Variants in CERS1 observed in about 807,000 individuals in gnomAD.
CERS1 encodes Embryonic growth/differentiation factor 1.
In CERS1, 16 loss-of-function variants were observed where a neutral mutation model predicts 35.7. The observed-to-expected ratio is 0.45, with a 90% confidence interval of 0.30 to 0.68. CERS1 has a LOEUF of 0.68. Among genes scored for constraint, CERS1 ranks in the 30% least tolerant of loss-of-function variants. The pLI, the probability that CERS1 is intolerant of heterozygous loss-of-function variation, is 0.08. For missense variants in CERS1, 454 were observed against 453.9 expected, an observed-to-expected ratio of 1.00 and a Z score of 0.00; for synonymous variants, 243 against 201.6, an observed-to-expected ratio of 1.21 and a Z score of -1.74.
chr19:18,869,245 T>TGCCGCCGCCGCC lies in CERS1; in HGVS notation c.*728_*739dup. 2 of 1,428,274 alleles carry TGCCGCCGCCGCC rather than the reference T, an allele frequency of 1.4e-6. No homozygotes were observed. Among genetic ancestry groups the TGCCGCCGCCGCC allele is most frequent in the Non-Finnish European group, 1.8e-6 (2 of 1,101,928 alleles). The allele number at this position is 1,428,274 out of a possible 1,614,324, so 88.5% of individuals were successfully genotyped here. Reference sequence around the variant, plus strand: ...TCAGCTCCCAGCCGCCCTCCGGGGCTGCCGCCGCCGCCGCCGCGAAACGCA... The same window carrying TGCCGCCGCCGCC: ...TCAGCTCCCAGCCGCCCTCCGGGGCTGCCGCCGCCGCCGCCGCCGCCGCCGCCGCGAAACGCA... On this transcript the variant is annotated 3_prime_UTR_variant, in exon 8 of 8. Transcript: ENST00000623882.
chr19:18,885,547 T>G (rs1460411682), intron 2 of CERS1, among the ~76,000 whole-genome samples: 12 of 117,002 alleles, frequency 1.0e-4, no homozygotes, highest in Admixed American at 1.9e-4. Context: ...TGAGATGGAG[T>G]CTTGCTCTGT....
chr19:18,885,666 C>A (rs2056337239), intron 2 of CERS1, among the ~76,000 whole-genome samples: 1 of 151,602 alleles, frequency 6.6e-6, no homozygotes, highest in Non-Finnish European at 1.5e-5. Flanking sequence ...ATTACAGGCA[C>A]CCACCACCAT....
chr19:18,869,377 C>T lies in CERS1; in HGVS notation c.*608G>A. 6.5e-7 allele frequency: 1 copy of T among 1,529,402 alleles called. No homozygotes were observed. The highest frequency in any genetic ancestry group is 1.2e-5 in the South Asian group (1 of 83,862). 94.7% of individuals were successfully genotyped at this position (1,529,402 alleles called of 1,614,324 possible). On this transcript the variant is annotated 3_prime_UTR_variant, in exon 8 of 8. Coordinates refer to ENST00000623882, the MANE Select transcript of CERS1 (RefSeq NM_021267.5). Reference sequence around the variant, plus strand: ...CCGCGGCCGAGGCAGGCTCCGAGGCCCGGGTGGGCGCACCTGGGGAGGTAG... The same window carrying T: ...CCGCGGCCGAGGCAGGCTCCGAGGCTCGGGTGGGCGCACCTGGGGAGGTAG...
At chr19:18,886,187 C>T (rs1324426334) in intron 2 of CERS1, among the ~76,000 whole-genome samples, 2 of 151,972 alleles carry the variant, frequency 1.3e-5, no homozygotes, top group Non-Finnish European at 2.9e-5. Context: ...AGGAGAGTTG[C>T]TTGAGTCCAG....
rs771422568 is a variant in CERS1, at chr19:18,884,176, T to C, written c.501A>G (p.Leu167=). 6.2e-6 allele frequency: 10 copies of C among 1,613,464 alleles called. No individual in the cohort carries two copies. The highest frequency in any genetic ancestry group is 6.8e-6 in the Non-Finnish European group (8 of 1,179,810). The change falls in exon 3 of 8, where the codon CTA becomes CTG. Residue 167 remains leucine (L), a synonymous_variant. Transcript: ENST00000623882. ...SFYGHSIYAT[L]YMDTWRKDSV... ...AGTCCTTGCGCCAGGTGTCCATGTA[T>C]AGCGTAGCGTAGATGGAGTGGCCAT...
In CERS1 at chr19:18,896,104, G is replaced by C; in HGVS notation, c.-32C>G. The C allele has an allele frequency of 2.3e-6, 2 of 864,456 alleles. No individual in the cohort carries two copies. Among genetic ancestry groups the C allele is most frequent in the Non-Finnish European group, 2.8e-6 (2 of 722,504 alleles). The allele number at this position is 864,456 out of a possible 1,614,324, so 53.5% of individuals were successfully genotyped here. ...CGCTCGCCCGCCGTGCCCGTCGCCT[G>C]CGCCCGCCCGCGGTAGCCGACGGAG... On this transcript the variant is annotated 5_prime_UTR_variant, in exon 1 of 8. Transcript: ENST00000623882. The surrounding 1 kb of genome is among the most constrained non-coding windows in gnomAD (Gnocchi z 5.9).
chr19:18,875,475 G>A (rs1487868184), intron 6 of CERS1, among the ~76,000 whole-genome samples: 2 of 151,510 alleles, frequency 1.3e-5, no homozygotes, highest in South Asian at 2.1e-4. Flanking sequence ...CCTGGGAGGC[G>A]GAGGTTGCAG....
chr19:18,876,264 G>T (rs1305269872), intron 6 of CERS1, among the ~76,000 whole-genome samples: 1 of 150,406 alleles, frequency 6.6e-6, no homozygotes, highest in Non-Finnish European at 1.5e-5. Context: ...GGGATTACAG[G>T]CGTGAGCCAC....
intron 6 of CERS1, among the ~76,000 whole-genome samples, chr19:18,873,937 G>A (rs565946852): frequency 6.6e-6 from 1 of 152,078 alleles, no homozygotes; most frequent in Non-Finnish European, 1.5e-5. Context: ...CTTCGGGATG[G>A]GGGGAGGAAG....
intron 3 of CERS1, 70 bp from the exon 4 acceptor site, chr19:18,880,505 C>T: frequency 3.5e-6 from 5 of 1,431,550 alleles, no homozygotes; most frequent in Non-Finnish European, 4.7e-6. Context: ...ACTAAGGCCC[C>T]CAGCAGAGTC....
chr19:18,872,491 G>A (rs1036459227), intron 6 of CERS1, among the ~76,000 whole-genome samples: 56 of 151,858 alleles, frequency 3.7e-4, no homozygotes, highest in African/African-American at 1.3e-3. Context: ...GGGACTACAG[G>A]CATGCAACAC....
Position 18,868,806 on chromosome 19 carries a change from CG to C in CERS1, c.*1178del. The C allele has an allele frequency of 6.9e-7, 1 of 1,454,776 alleles. No homozygotes were observed. The highest frequency in any genetic ancestry group is 9.1e-7 in the Non-Finnish European group (1 of 1,093,314). The allele number at this position is 1,454,776 out of a possible 1,614,324, so 90.1% of individuals were successfully genotyped here. A position where few individuals can be genotyped will look rare whatever the true frequency, so the allele number is the denominator to read the frequency against. ...GGCCCCCCGGACCCCGACAGCGCGA[CG>C]GGCAGCGCGCACTGACCCTGGCAGT... On this transcript the variant is annotated 3_prime_UTR_variant, in exon 8 of 8. Coordinates refer to ENST00000623882, the MANE Select transcript of CERS1 (RefSeq NM_021267.5).
At chr19:18,885,674 C>G (rs2056337709) in intron 2 of CERS1, among the ~76,000 whole-genome samples, 2 of 151,530 alleles carry the variant, frequency 1.3e-5, no homozygotes, top group Non-Finnish European at 1.5e-5. Context: ...CACCCACCAC[C>G]ATGCCTGGCT....
At chr19:18,871,330 G>A (rs1044790892) in intron 6 of CERS1, among the ~76,000 whole-genome samples, 2 of 150,078 alleles carry the variant, frequency 1.3e-5, no homozygotes, top group Non-Finnish European at 3.0e-5. Flanking sequence ...GAGTTCAAGC[G>A]ATTCTCCTGC....
intron 7 of CERS1, 62 bp from the exon 8 acceptor site, chr19:18,869,452 G>T: frequency 6.6e-7 from 1 of 1,509,366 alleles, no homozygotes; most frequent in East Asian, 2.6e-5. Flanking sequence ...ATGGGGTCTC[G>T]GTTAGGGACA....
chr19:18,871,865 C>A (rs920724259), intron 6 of CERS1, among the ~76,000 whole-genome samples: 6 of 152,196 alleles, frequency 3.9e-5, no homozygotes, highest in Admixed American at 3.3e-4. Context: ...TGTGGCTTCT[C>A]GATTCTTCCC....
Position 18,896,103 on chromosome 19 carries a change from T to G in CERS1, c.-31A>C, listed in dbSNP as rs2056621942. ...CCGCTCGCCCGCCGTGCCCGTCGCC[T>G]GCGCCCGCCCGCGGTAGCCGACGGA... On this transcript the variant is annotated 5_prime_UTR_variant, in exon 1 of 8. Coordinates refer to ENST00000623882, the MANE Select transcript of CERS1 (RefSeq NM_021267.5). The surrounding 1 kb of genome is among the most constrained non-coding windows in gnomAD (Gnocchi z 5.9). 1.1e-6 allele frequency: 1 copy of G among 872,778 alleles called. No individual in the cohort carries two copies. Among genetic ancestry groups the G allele is most frequent in the Non-Finnish European group, 1.4e-6 (1 of 730,670 alleles). 54.1% of individuals were successfully genotyped at this position (872,778 alleles called of 1,614,324 possible). A position where few individuals can be genotyped will look rare whatever the true frequency, so the allele number is the denominator to read the frequency against.
In CERS1 at chr19:18,870,119, C is replaced by T. The variant is rs1487660277; in HGVS notation, c.*458G>A. 6 of 1,567,532 alleles carry T rather than the reference C, an allele frequency of 3.8e-6. No homozygotes were observed. Among genetic ancestry groups the T allele is most frequent in the Non-Finnish European group, 5.2e-6 (6 of 1,161,900 alleles). ...GGGGGTCCCGGCGTCGAAACAGGCGCCACATGACCGGGGGAACCGGCCGGA... is the reference window on the plus strand; with the variant it reads ...GGGGGTCCCGGCGTCGAAACAGGCGTCACATGACCGGGGGAACCGGCCGGA... On this transcript the variant is annotated 3_prime_UTR_variant, in exon 7 of 8. Transcript: ENST00000623882. This position sits in a 1 kb window ranked among gnomAD's most constrained non-coding sequence, Gnocchi z 5.1.
chr19:18,887,065 T>C (rs1235749226), intron 2 of CERS1, among the ~76,000 whole-genome samples: 2 of 152,228 alleles, frequency 1.3e-5, no homozygotes, highest in African/African-American at 4.8e-5. Flanking sequence ...CATGTGTCCC[T>C]GTCTACAGCA....
Sources: gnomAD v4.1 joint callset for allele counts (sites outside exome capture counted in the v4.1 genomes callset) on GRCh38, gnomAD v4.1.1 for gene constraint, Gnocchi (gnomAD v3.1) non-coding constraint, MANE v1.5 for transcripts, NCBI Gene and HGNC (gene_info 2026-07-23, HGNC 2026-07-21) for gene names.